ZFPM2: variants seen among roughly 807,000 people sequenced by gnomAD.
ZFPM2 encodes the protein zinc finger protein, FOG family member 2, also known as zinc finger protein ZFPM2.
ZFPM2 carries 20 observed loss-of-function variants against 98.6 expected under a neutral mutation model. The ratio of observed to expected loss-of-function variants is 0.20; its 90% confidence interval spans 0.14 to 0.29. The LOEUF (loss-of-function observed/expected upper bound fraction) is 0.29, where lower values mean the gene tolerates loss of function less well. ZFPM2 is among the 10% of genes least tolerant of loss of function. The pLI, the probability that ZFPM2 is intolerant of heterozygous loss-of-function variation, is 1.00. For missense variants in ZFPM2, 1,310 were observed against 1,388.6 expected, an observed-to-expected ratio of 0.94 and a Z score of 0.90; for synonymous variants, 518 against 502.7, an observed-to-expected ratio of 1.03 and a Z score of -0.41.
intron 3 of ZFPM2, among the ~76,000 whole-genome samples, chr8:105,472,490 GTGTTTTGTTT>G (rs545562880): frequency 3.9e-5 from 6 of 152,030 alleles, no homozygotes; most frequent in Admixed American, 3.3e-4. Flanking sequence ...AACACTCCTT[GTGTTTTGTTT>G]TGTTTTGTTT....
chr8:105,758,808 G>A (rs1184712260), intron 5 of ZFPM2, among the ~76,000 whole-genome samples: 1 of 152,054 alleles, frequency 6.6e-6, no homozygotes, highest in Non-Finnish European at 1.5e-5. Flanking sequence ...TCATGCCTCA[G>A]GTAGTTGGCA....
At chr8:105,490,687 A>T (rs116792117) in intron 3 of ZFPM2, among the ~76,000 whole-genome samples, 1,693 of 152,310 alleles carry the variant, frequency 0.011, 26 homozygotes, top group African/African-American at 0.037. Flanking sequence ...GAAGGCGGGA[A>T]TACTTTCTTA....
intron 1 of ZFPM2, among the ~76,000 whole-genome samples, chr8:105,414,372 A>C (rs1366442144): frequency 6.6e-6 from 1 of 151,964 alleles, no homozygotes; most frequent in Non-Finnish European, 1.5e-5. Flanking sequence ...AGTGCTTTGA[A>C]TTTACCTGAA....
At chr8:105,465,563 TATTC>T (rs1437464297) in intron 3 of ZFPM2, among the ~76,000 whole-genome samples, 2 of 151,984 alleles carry the variant, frequency 1.3e-5, no homozygotes, top group African/African-American at 4.8e-5. Context: ...GACTTTATAT[TATTC>T]ATTAAAAAAT....
intron 1 of ZFPM2, among the ~76,000 whole-genome samples, chr8:105,378,171 T>A (rs1454605559): frequency 6.6e-6 from 1 of 152,138 alleles, no homozygotes; most frequent in Middle Eastern, 3.2e-3. Context: ...CCTTTAGAGT[T>A]GGAAGGTGAG....
At chr8:105,753,946 GT>G (rs1432341073) in intron 5 of ZFPM2, among the ~76,000 whole-genome samples, 18 of 152,094 alleles carry the variant, frequency 1.2e-4, no homozygotes, top group Admixed American at 5.2e-4. Context: ...TTTCTAGTGT[GT>G]TATTTAAAAA....
intron 4 of ZFPM2, among the ~76,000 whole-genome samples, chr8:105,570,308 T>C (rs751663066): frequency 6.7e-5 from 10 of 149,530 alleles, no homozygotes; most frequent in South Asian, 2.2e-4. Context: ...TTATTGATTT[T>C]TATTTTTATT....
chr8:105,418,715 A>C (rs1811731996), intron 1 of ZFPM2: 2 of 491,614 alleles, frequency 4.1e-6, no homozygotes, highest in African/African-American at 4.0e-5. Context: ...CAGTTCAATT[A>C]AAATGCATTC....
At chr8:105,374,735 A>T (rs559420521) in intron 1 of ZFPM2, among the ~76,000 whole-genome samples, 1 of 152,284 alleles carries the variant, frequency 6.6e-6, no homozygotes, top group Non-Finnish European at 1.5e-5. Context: ...GGTTAAGTGG[A>T]CAAGCATAGG....
At chr8:105,530,779 T>G (rs1814281317) in intron 3 of ZFPM2, among the ~76,000 whole-genome samples, 1 of 152,120 alleles carries the variant, frequency 6.6e-6, no homozygotes, top group South Asian at 2.1e-4. Context: ...GAGACACAAT[T>G]CGGTCCATAG....
At chr8:105,523,364 G>A (rs140633878) in intron 3 of ZFPM2, among the ~76,000 whole-genome samples, 3 of 152,282 alleles carry the variant, frequency 2.0e-5, no homozygotes, top group Admixed American at 2.0e-4. Context: ...CAGATCCAGA[G>A]TACAAAATGA....
chr8:105,727,518 T>G (rs1223648548), intron 5 of ZFPM2, among the ~76,000 whole-genome samples: 2 of 151,780 alleles, frequency 1.3e-5, no homozygotes, highest in Non-Finnish European at 2.9e-5. Flanking sequence ...CTCCCAATTA[T>G]GCAACCAGTA....
At chr8:105,566,152 T>G (rs1563722641) in intron 4 of ZFPM2, among the ~76,000 whole-genome samples, 1 of 152,174 alleles carries the variant, frequency 6.6e-6, no homozygotes, top group Non-Finnish European at 1.5e-5. Flanking sequence ...GATTTAAATG[T>G]TAATTTCATT....
intron 4 of ZFPM2, among the ~76,000 whole-genome samples, chr8:105,575,687 T>A (rs1815451525): frequency 1.3e-5 from 2 of 152,108 alleles, no homozygotes; most frequent in Admixed American, 6.5e-5. Flanking sequence ...AGAAAAAAAA[T>A]ATCCAAACTC....
At position 105,420,691 on chromosome 8, in the gene ZFPM2, G is replaced by A. The variant is rs764184954; in HGVS notation, c.199+1389G>A. ...ATTAAATTGATGATATGTAGCCATG[G>A]CAATAAATCTAAGCTGTCTGGAGAT... On this transcript the variant is annotated intron_variant, in intron 2 of 7. Coordinates refer to ENST00000407775, the MANE Select transcript of ZFPM2 (RefSeq NM_012082.4). Among the ~76,000 whole-genome samples the A allele has an allele frequency of 5.3e-5, 8 of 152,186 alleles. No individual in the cohort carries two copies. The East Asian group carries it at 5.8e-4, about 11-fold the overall frequency.
chr8:105,775,731 A>C (rs1370671723), intron 5 of ZFPM2, among the ~76,000 whole-genome samples: 10 of 152,148 alleles, frequency 6.6e-5, no homozygotes, highest in Non-Finnish European at 1.3e-4. Flanking sequence ...CCAGACAGTC[A>C]GATGGCTACC....
chr8:105,392,244 T>C (rs1247098663), intron 1 of ZFPM2, among the ~76,000 whole-genome samples: 1 of 152,210 alleles, frequency 6.6e-6, no homozygotes, highest in African/African-American at 2.4e-5. Flanking sequence ...ACCCAATCTT[T>C]ACTCTTCAAA....
intron 5 of ZFPM2, among the ~76,000 whole-genome samples, chr8:105,770,488 A>C (rs1285891712): frequency 6.6e-6 from 1 of 152,106 alleles, no homozygotes; most frequent in Non-Finnish European, 1.5e-5. Context: ...TTAATATGGC[A>C]GCTCATGACC....
chr8:105,727,333 C>T (rs1443408472), intron 5 of ZFPM2, among the ~76,000 whole-genome samples: 1 of 151,158 alleles, frequency 6.6e-6, no homozygotes, highest in East Asian at 2.0e-4. Context: ...TAGTGAGAAC[C>T]CCGTCTCTAT....
Sources: allele counts gnomAD v4.1 joint callset (sites outside exome capture counted in the v4.1 genomes callset), GRCh38; gene constraint gnomAD v4.1.1; transcripts MANE v1.5; gene names NCBI Gene and HGNC (gene_info 2026-07-23, HGNC 2026-07-21).